FIZ1: variants seen among roughly 807,000 people sequenced by gnomAD.
The protein encoded by FIZ1 is flt3-interacting zinc finger protein 1.
In FIZ1, 2 loss-of-function variants were observed where a neutral mutation model predicts 5.3. The observed-to-expected ratio is 0.37, with a 90% CI of 0.15 to 1.18. FIZ1 has a LOEUF of 1.18. Among genes scored for constraint, FIZ1 ranks in the 50% most tolerant of loss-of-function variants. The pLI is 0.37. For synonymous variants in FIZ1, 407 were observed against 364.2 expected (o/e 1.12, Z -1.34); for missense variants, 631 against 749.7 (o/e 0.84, Z 1.85).
rs372128345 is a variant in FIZ1 at position 55,593,695 on chromosome 19, C to G, written c.295-49G>C. On this transcript the variant is annotated intron_variant, in intron 2 of 2. Coordinates refer to ENST00000221665, the MANE Select transcript of FIZ1 (RefSeq NM_032836.3). The surrounding 1 kb of genome is among the most constrained non-coding windows in gnomAD (Gnocchi z 6.3). ...CAACGTCAGGGCTGAGAACCTAGCC[C>G]GGACAACGGATTCCTGGACTCCCAG... 6 of 1,505,252 alleles carry G rather than the reference C, an allele frequency of 4.0e-6. No homozygotes were observed. The South Asian group carries it at 7.2e-5, about 18-fold the overall frequency. The allele number at this position is 1,505,252 out of a possible 1,614,324, so 93.2% of individuals were successfully genotyped here. A position where few individuals can be genotyped will look rare whatever the true frequency, so the allele number is the denominator to read the frequency against.
Position 55,593,545 on chromosome 19 carries a change from C to T in FIZ1, c.396G>A (p.Gly132=), listed in dbSNP as rs908559646. The T allele has an allele frequency of 1.9e-6, 3 of 1,550,808 alleles. No homozygotes were observed. The African/African-American group carries it at 4.1e-5, about 21-fold the overall frequency. The change falls in exon 3 of 3, where the codon GGG becomes GGA. Residue 132 remains glycine (G), a synonymous_variant. Transcript: ENST00000221665. This position sits in a 1 kb window ranked among gnomAD's most constrained non-coding sequence, Gnocchi z 6.3. ...LGRHLKRQHR[G]VLPSPLQPGP... Reference sequence around the variant, plus strand: ...CGGGCTGCAGGGGAGAGGGGAGAACCCCACGGTGCTGGCGCTTGAGGTGGC... The same window carrying T: ...CGGGCTGCAGGGGAGAGGGGAGAACTCCACGGTGCTGGCGCTTGAGGTGGC...
Position 55,593,653 on chromosome 19 carries a change from G to A in FIZ1, c.295-7C>T, listed in dbSNP as rs976903247. 32 of 1,550,778 alleles carry A rather than the reference G, an allele frequency of 2.1e-5. No homozygotes were observed. The African/African-American group carries it at 3.3e-4, about 16-fold the overall frequency. ...TCTCACCAGTGTGGACGACCTAGGG[G>A]TGCGGGAGGAAGGGCACAACGTCAG... On this transcript the variant is annotated splice_polypyrimidine_tract_variant and splice_region_variant and intron_variant, in intron 2 of 2. Coordinates refer to ENST00000221665, the MANE Select transcript of FIZ1 (RefSeq NM_032836.3). This position sits in a 1 kb window ranked among gnomAD's most constrained non-coding sequence, Gnocchi z 6.3.
rs1980067441 is a variant in FIZ1 at position 55,592,678 on chromosome 19, C to T, written c.1263G>A (p.Lys421=). 6.2e-7 allele frequency: 1 copy of T among 1,613,344 alleles called. No individual in the cohort carries two copies. The highest frequency in any genetic ancestry group is 8.5e-7 in the Non-Finnish European group (1 of 1,179,888). Residue 421 remains lysine (K), a synonymous_variant, in exon 3 of 3, where the codon AAG becomes AAA. Coordinates refer to ENST00000221665, the MANE Select transcript of FIZ1 (RefSeq NM_032836.3). This position sits in a 1 kb window ranked among gnomAD's most constrained non-coding sequence, Gnocchi z 6.9. ...CCAGGTCTCGCGGTGAGCGGAACAGCTTCTCGCACTCGGAGCAGCCGAAGA... is the reference window on the plus strand; with the variant it reads ...CCAGGTCTCGCGGTGAGCGGAACAGTTTCTCGCACTCGGAGCAGCCGAAGA... ...KKIFGCSECE[K]LFRSPRDLER... is the part of the protein sequence containing the mutation.
At position 55,592,851 on chromosome 19, in the gene FIZ1, C is replaced by T; in HGVS notation, c.1090G>A (p.Gly364Arg). Residue 364 changes from glycine (G) to arginine (R), a missense_variant, in exon 3 of 3, where the codon GGG (glycine) becomes AGG (arginine). Coordinates refer to ENST00000221665, the MANE Select transcript of FIZ1 (RefSeq NM_032836.3). This position sits in a 1 kb window ranked among gnomAD's most constrained non-coding sequence, Gnocchi z 6.9. ...GCGGCCAGCGCCGCGTACAGAGCCC[C>T]GCAGTGGCCGCAGCCGTAGGTGGCC... ...GPATYGCGHC[G>R]ALYAALAALE... 1 of 1,547,300 alleles carries T rather than the reference C, an allele frequency of 6.5e-7. No homozygotes were observed. The highest frequency in any genetic ancestry group is 8.7e-7 in the Non-Finnish European group (1 of 1,152,412).
rs1439847868 is a variant in FIZ1, at chr19:55,593,439, C to A, written c.502G>T (p.Ala168Ser). ...GPCSVCGGSGAGGGEGPEGAG... is the reference protein window; with the variant it reads ...GPCSVCGGSGSGGGEGPEGAG... The stretch of plus-strand genomic sequence containing the variant: ...CCCTCGGGGCCCTCTCCGCCGCCGG[C>A]CCCTGAGCCCCCGCACACCGAGCAG... The change falls in exon 3 of 3, where the codon GCC becomes TCC. Residue 168 changes from alanine (A) to serine (S), a missense_variant. Physicochemically the swap from Ala to Ser is moderately conservative, Grantham distance 99. Transcript: ENST00000221665. This position sits in a 1 kb window ranked among gnomAD's most constrained non-coding sequence, Gnocchi z 6.3. 1 of 1,535,158 alleles carries A rather than the reference C, an allele frequency of 6.5e-7. No individual in the cohort carries two copies. Among genetic ancestry groups the A allele is most frequent in the African/African-American group, 1.4e-5 (1 of 71,884 alleles).
Position 55,597,942 on chromosome 19 carries a change from G to C in FIZ1, c.-36-41C>G. ...GACAGAGGAGCAGGTGAGGGGGTCG[G>C]CTCCCCATCAGCTCTCTCCTCCCAG... On this transcript the variant is annotated intron_variant, in intron 1 of 2. Coordinates refer to ENST00000221665, the MANE Select transcript of FIZ1 (RefSeq NM_032836.3). The C allele has an allele frequency of 2.0e-6, 3 of 1,481,066 alleles. No individual in the cohort carries two copies. In the South Asian group the frequency reaches 4.0e-5, roughly 20 times the overall value. The allele number at this position is 1,481,066 out of a possible 1,614,324, so 91.7% of individuals were successfully genotyped here.
In FIZ1 at chr19:55,592,549, G is replaced by A. The variant is rs535803438; in HGVS notation, c.1392C>T (p.His464=). The stretch of plus-strand genomic sequence containing the variant: ...GGCAAGGGAAGGGCCGCTCGGTGCC[G>A]TGCAGCAGCCGGTGGCGCTTGAGGT... ...ECYLKRHRLL[H]GTERPFPCHI... The change falls in exon 3 of 3, where the codon CAC becomes CAT. Residue 464 remains histidine (H), a synonymous_variant. Transcript: ENST00000221665. This position sits in a 1 kb window ranked among gnomAD's most constrained non-coding sequence, Gnocchi z 6.9. 1.9e-6 allele frequency: 3 copies of A among 1,610,514 alleles called. No individual in the cohort carries two copies. The highest frequency in any genetic ancestry group is 1.1e-5 in the South Asian group (1 of 90,614).
chr19:55,595,595 T>C (rs1388651855), intron 2 of FIZ1: 1 of 152,258 alleles, frequency 6.6e-6, no homozygotes, highest in Non-Finnish European at 1.5e-5. Context: ...ACGATAAAAA[T>C]AGTGACCACA....
chr19:55,599,112 G>A (rs1980490132), intron 1 of FIZ1: 1 of 152,268 alleles, frequency 6.6e-6, no homozygotes. Context: ...TTTCTATCCA[G>A]ACTCTCCCTC....
intron 2 of FIZ1, among the ~76,000 whole-genome samples, chr19:55,597,219 C>T (rs968466343): frequency 6.6e-6 from 1 of 152,218 alleles, no homozygotes; most frequent in Non-Finnish European, 1.5e-5. Flanking sequence ...TAAGTATACA[C>T]CTGATAAACC....
At position 55,593,488 on chromosome 19, in the gene FIZ1, G is replaced by A; in HGVS notation, c.453C>T (p.Cys151=). Residue 151 remains cysteine, a synonymous_variant, in exon 3 of 3, where the codon TGC becomes TGT. Coordinates refer to ENST00000221665, the MANE Select transcript of FIZ1 (RefSeq NM_032836.3). This position sits in a 1 kb window ranked among gnomAD's most constrained non-coding sequence, Gnocchi z 6.3. ...GPGLPALSAP[C]SVCCNVGPCS... ...AGGGCCCCACATTGCAGCAGACGGA[G>A]CAGGGCGCACTCAAGGCGGGCAGGC... 6.5e-7 allele frequency: 1 copy of A among 1,549,070 alleles called. No individual in the cohort carries two copies. The highest frequency in any genetic ancestry group is 2.0e-5 in the Admixed American group (1 of 50,952).
rs35748001 is a variant in FIZ1 at position 55,592,825 on chromosome 19, G to A, written c.1116C>T (p.Ala372=). 6.4e-7 allele frequency: 1 copy of A among 1,573,652 alleles called. No individual in the cohort carries two copies. Residue 372 remains alanine, a synonymous_variant, in exon 3 of 3, where the codon GCC becomes GCT. Transcript: ENST00000221665. The surrounding 1 kb of genome is among the most constrained non-coding windows in gnomAD (Gnocchi z 6.9). ...HCGALYAALA[A]LEEHRRVSHG... ...GGCTGACCCGCCGGTGCTCCTCCAA[G>A]GCGGCCAGCGCCGCGTACAGAGCCC... is the stretch of plus-strand genomic sequence containing the variant.
intron 1 of FIZ1, chr19:55,598,758 C>T (rs1242357432): frequency 6.6e-6 from 1 of 152,242 alleles, no homozygotes; most frequent in Non-Finnish European, 1.5e-5. Context: ...TAAGACTCTC[C>T]ACTGGACTCC....
rs1360495329 is a variant in FIZ1 at position 55,593,074 on chromosome 19, C to A, written c.867G>T (p.Ser289=). 17 of 1,354,022 alleles carry A rather than the reference C, an allele frequency of 1.3e-5. No homozygotes were observed. The highest frequency in any genetic ancestry group is 1.6e-5 in the Non-Finnish European group (17 of 1,061,558). 83.9% of individuals were successfully genotyped at this position (1,354,022 alleles called of 1,614,324 possible). The stretch of plus-strand genomic sequence containing the variant: ...CGGGGCCCAGGAGCAGCCTGCGGTC[C>A]GAAGCCAGAGGAGCGTCGCCCGCCT... ...AAEAGDAPLA[S]DRRLLLGPAG... is the part of the protein sequence containing the mutation. The change falls in exon 3 of 3, where the codon TCG becomes TCT. Residue 289 remains serine (S), a synonymous_variant. Coordinates refer to ENST00000221665, the MANE Select transcript of FIZ1 (RefSeq NM_032836.3). This position sits in a 1 kb window ranked among gnomAD's most constrained non-coding sequence, Gnocchi z 6.3.
chr19:55,597,812 GGCGGCA>G lies in FIZ1; in HGVS notation c.48_53del (p.Ala17_Ala18del). On this transcript the variant is annotated inframe_deletion, in exon 2 of 3. Transcript: ENST00000221665. ...CACTGCAGTGAAACGGGACCCTGGG[GGCGGCA>G]GCGGCGGGCGGTGCTGGTGCAGGGG... 6.2e-7 allele frequency: 1 copy of G among 1,612,820 alleles called. No homozygotes were observed. The highest frequency in any genetic ancestry group is 2.2e-5 in the East Asian group (1 of 44,838).
rs1167060316 is a variant in FIZ1, at chr19:55,593,494, C to G, written c.447G>C (p.Ala149=). Residue 149 remains alanine, a synonymous_variant, in exon 3 of 3, where the codon GCG becomes GCC. Coordinates refer to ENST00000221665, the MANE Select transcript of FIZ1 (RefSeq NM_032836.3). This position sits in a 1 kb window ranked among gnomAD's most constrained non-coding sequence, Gnocchi z 6.3. ...CCACATTGCAGCAGACGGAGCAGGGCGCACTCAAGGCGGGCAGGCCAGGGC... is the reference window on the plus strand; with the variant it reads ...CCACATTGCAGCAGACGGAGCAGGGGGCACTCAAGGCGGGCAGGCCAGGGC... ...QPGPGLPALS[A]PCSVCCNVGP... is the part of the protein sequence containing the mutation. The G allele has an allele frequency of 6.5e-7, 1 of 1,549,078 alleles. No homozygotes were observed. The highest frequency in any genetic ancestry group is 8.7e-7 in the Non-Finnish European group (1 of 1,146,526).
In FIZ1 at chr19:55,591,445, G is replaced by C. The variant is rs1979994774; in HGVS notation, c.*1005C>G. ...AGAGGGACGAGGGGGCAAGGTCGAG[G>C]CTCACAGGGGCACCCCCTAGCCAAA... On this transcript the variant is annotated 3_prime_UTR_variant, in exon 3 of 3. Coordinates refer to ENST00000221665, the MANE Select transcript of FIZ1 (RefSeq NM_032836.3). The C allele has an allele frequency of 1.3e-5, 2 of 152,396 alleles. No homozygotes were observed. Among genetic ancestry groups the C allele is most frequent in the Non-Finnish European group, 2.9e-5 (2 of 68,200 alleles). 9.4% of individuals were successfully genotyped at this position (152,396 alleles called of 1,614,324 possible).
In FIZ1 at chr19:55,592,917, C is replaced by A. The variant is rs1460792970; in HGVS notation, c.1024G>T (p.Ala342Ser). 1.9e-6 allele frequency: 3 copies of A among 1,548,806 alleles called. No homozygotes were observed. Among genetic ancestry groups the A allele is most frequent in the Non-Finnish European group, 2.6e-6 (3 of 1,155,374 alleles). Reference sequence around the variant, plus strand: ...TCCAGGTGACTGGCCAGGGCCGCGGCCGACGCAAAGAAGGTCCCGCAGTCG... The same window carrying A: ...TCCAGGTGACTGGCCAGGGCCGCGGACGACGCAAAGAAGGTCCCGCAGTCG... ...QCDCGTFFAS[A>S]AALASHLEAH... Residue 342 changes from alanine (A) to serine (S), a missense_variant, in exon 3 of 3, where the codon GCC (alanine) becomes TCC (serine). Physicochemically the swap from Ala to Ser is moderately conservative, Grantham distance 99. Coordinates refer to ENST00000221665, the MANE Select transcript of FIZ1 (RefSeq NM_032836.3). The surrounding 1 kb of genome is among the most constrained non-coding windows in gnomAD (Gnocchi z 6.9).
In FIZ1 at chr19:55,593,008, C is replaced by G; in HGVS notation, c.933G>C (p.Glu311Asp). 2 of 1,480,684 alleles carry G rather than the reference C, an allele frequency of 1.4e-6. No homozygotes were observed. The highest frequency in any genetic ancestry group is 1.8e-6 in the Non-Finnish European group (2 of 1,123,238). The allele number at this position is 1,480,684 out of a possible 1,614,324, so 91.7% of individuals were successfully genotyped here. A position where few individuals can be genotyped will look rare whatever the true frequency, so the allele number is the denominator to read the frequency against. Residue 311 changes from glutamate (E) to aspartate (D), a missense_variant, in exon 3 of 3, where the codon GAG becomes GAC. Around this residue, in one of 4 missense-constraint regions of FIZ1, gnomAD observed 463 missense variants for 455.1 expected, o/e 1.02. Transcript: ENST00000221665. The surrounding 1 kb of genome is among the most constrained non-coding windows in gnomAD (Gnocchi z 6.3). ...CAGGTGCAGGCGCCTCCCCACCGCC[C>G]TCGGGGAGCAGCCCCCCGAGCTTGG... is the stretch of plus-strand genomic sequence containing the variant. ...GVPKLGGLLP[E>D]GGGEAPAPAA...
Sources: allele counts gnomAD v4.1 joint callset (sites outside exome capture counted in the v4.1 genomes callset), GRCh38; gene constraint gnomAD v4.1.1; regional missense constraint gnomAD v4.1.1; non-coding constraint Gnocchi (gnomAD v3.1); transcripts MANE v1.5; gene names NCBI Gene and HGNC (gene_info 2026-07-23, HGNC 2026-07-21).